ASB4: variants seen among roughly 807,000 people sequenced by gnomAD.
ASB4 encodes the protein ankyrin repeat and SOCS box protein 4.
Under a neutral mutation model 38.6 loss-of-function variants are expected in ASB4, and 35 were observed. That is an observed-to-expected ratio of 0.91 (90% CI 0.69 to 1.20). The LOEUF is 1.20. Among genes scored for constraint, ASB4 ranks in the 50% most tolerant of loss-of-function variants. The pLI is 0.00. For synonymous variants in ASB4, 195 were observed against 201.3 expected (o/e 0.97, Z 0.26); for missense variants, 557 against 527.2 (o/e 1.06, Z -0.55).
At chr7:95,535,143 G>T (rs1790873094) in intron 3 of ASB4, among the ~76,000 whole-genome samples, 1 of 152,164 alleles carries the variant, frequency 6.6e-6, no homozygotes, top group Non-Finnish European at 1.5e-5. Context: ...TGTTTTATCT[G>T]TGATCCCAAG....
At chr7:95,528,791 T>C (rs1452981374) in intron 3 of ASB4, 1 of 674,862 alleles carries the variant, frequency 1.5e-6, no homozygotes, top group African/African-American at 2.0e-5. Flanking sequence ...ATAAGCACAC[T>C]GTTATAAGCA....
At chr7:95,496,227 T>C (rs1790246525) in intron 2 of ASB4, 170 bp downstream of exon 2, 4 of 564,106 alleles carry the variant, frequency 7.1e-6, no homozygotes, top group African/African-American at 1.9e-5. Context: ...AATTCAATGA[T>C]GATCACATTA....
intron 2 of ASB4, among the ~76,000 whole-genome samples, chr7:95,512,387 T>A (rs553912613): frequency 2.0e-5 from 3 of 152,346 alleles, no homozygotes; most frequent in African/African-American, 7.2e-5. Flanking sequence ...TATGTAAGGC[T>A]CTTTTCCCCC....
chr7:95,524,804 C>T (rs556730020), intron 2 of ASB4, among the ~76,000 whole-genome samples: 316 of 152,280 alleles, frequency 2.1e-3, no homozygotes, highest in Non-Finnish European at 3.4e-3. Context: ...GACCCTCTAA[C>T]CAGCCTGTGC....
At chr7:95,473,019 G>A in the ASB4 span, among the ~76,000 whole-genome samples, 1 of 152,182 alleles carries the variant, frequency 6.6e-6, no homozygotes, top group Admixed American at 6.5e-5. Context: ...CTCACCAGTG[G>A]CAAGTTTCCA....
At chr7:95,515,175 TTCTTTCTTTC>T (rs1212068882) in intron 2 of ASB4, among the ~76,000 whole-genome samples, 2 of 66,476 alleles carry the variant, frequency 3.0e-5, no homozygotes, top group Admixed American at 1.3e-4. Flanking sequence ...TTCTCTTTCT[TTCTTTCTTTC>T]TTTCTTTCTT....
chr7:95,506,865 T>C (rs1030839698), intron 2 of ASB4, among the ~76,000 whole-genome samples: 1 of 152,060 alleles, frequency 6.6e-6, no homozygotes, highest in African/African-American at 2.4e-5. Flanking sequence ...TTCTATATGC[T>C]CTCTTTCTTG....
At chr7:95,512,227 G>T (rs572206638) in intron 2 of ASB4, among the ~76,000 whole-genome samples, 1 of 152,338 alleles carries the variant, frequency 6.6e-6, no homozygotes, top group African/African-American at 2.4e-5. Context: ...AAAAGTGAAG[G>T]TTCTGGAGTA....
chr7:95,511,171 C>T (rs1055563944), intron 2 of ASB4, among the ~76,000 whole-genome samples: 2 of 152,250 alleles, frequency 1.3e-5, no homozygotes, highest in Admixed American at 6.5e-5. Context: ...GAAGTTTTTA[C>T]TAATTAGAAA....
At chr7:95,481,607 A>C (rs188525972), upstream of ASB4, among the ~76,000 whole-genome samples, 3 of 152,316 alleles carry the variant, frequency 2.0e-5, no homozygotes, top group Admixed American at 2.0e-4. Flanking sequence ...ATTGTGGCTT[A>C]GTAGCATCAA....
chr7:95,516,409 G>A (rs1019595392), intron 2 of ASB4, among the ~76,000 whole-genome samples: 1 of 152,078 alleles, frequency 6.6e-6, no homozygotes, highest in Admixed American at 6.6e-5. Flanking sequence ...CTGCATCTTG[G>A]TTATTCTCCA....
At chr7:95,496,676 A>G (rs912238532) in intron 2 of ASB4, among the ~76,000 whole-genome samples, 32 of 152,072 alleles carry the variant, frequency 2.1e-4, no homozygotes, top group African/African-American at 7.5e-4. Flanking sequence ...GGGAGACCCC[A>G]TCTCTACAAA....
chr7:95,538,432 C>T lies in ASB4; in HGVS notation c.*673C>T, dbSNP rs548289636. Reference sequence around the variant, plus strand: ...ATGCAAAGATGAGTCCCATGTGACTCCTGCCTTCCAGGATCTCACCATTTA... The same window carrying T: ...ATGCAAAGATGAGTCCCATGTGACTTCTGCCTTCCAGGATCTCACCATTTA... On this transcript the variant is annotated 3_prime_UTR_variant, in exon 5 of 5. Coordinates refer to ENST00000325885, the MANE Select transcript of ASB4 (RefSeq NM_016116.3). 7.2e-5 allele frequency: 11 copies of T among 152,342 alleles called. No homozygotes were observed. The highest frequency in any genetic ancestry group is 2.4e-4 in the African/African-American group (10 of 41,568). 9.4% of individuals were successfully genotyped at this position (152,342 alleles called of 1,614,324 possible).
intron 2 of ASB4, among the ~76,000 whole-genome samples, chr7:95,509,030 T>G (rs1790446667): frequency 6.6e-6 from 1 of 152,190 alleles, no homozygotes; most frequent in African/African-American, 2.4e-5. Context: ...GTCACTGAAG[T>G]GAATGAGATT....
chr7:95,511,534 A>G (rs1790481185), intron 2 of ASB4, among the ~76,000 whole-genome samples: 1 of 151,918 alleles, frequency 6.6e-6, no homozygotes, highest in Non-Finnish European at 1.5e-5. Context: ...ATTAATAATA[A>G]CCCTGTAATC....
chr7:95,519,536 C>T (rs189887706), intron 2 of ASB4, among the ~76,000 whole-genome samples: 1 of 152,262 alleles, frequency 6.6e-6, no homozygotes. Flanking sequence ...TGTACTGAGG[C>T]AGGTGCAGGT....
At chr7:95,549,535 G>C in the ASB4 span, among the ~76,000 whole-genome samples, 1 of 151,876 alleles carries the variant, frequency 6.6e-6, no homozygotes, top group African/African-American at 2.4e-5. Flanking sequence ...CTGACTTCGT[G>C]ATCCGCCCGC....
At chr7:95,492,732 TGCTGTTAATCAGCAG>T (rs1790190026) in intron 1 of ASB4, among the ~76,000 whole-genome samples, 1 of 152,244 alleles carries the variant, frequency 6.6e-6, no homozygotes, top group South Asian at 2.1e-4. Context: ...GCCTAATTTT[TGCTGTTAATCAGCAG>T]GCAAAACACA....
intron 2 of ASB4, among the ~76,000 whole-genome samples, chr7:95,501,688 G>C (rs1330294068): frequency 1.3e-5 from 2 of 152,160 alleles, no homozygotes; most frequent in African/African-American, 4.8e-5. Flanking sequence ...CAAACTGACA[G>C]AGTGGCCAAC....
Sources: allele counts gnomAD v4.1 joint callset (sites outside exome capture counted in the v4.1 genomes callset), GRCh38; gene constraint gnomAD v4.1.1; transcripts MANE v1.5; gene names NCBI Gene and HGNC (gene_info 2026-07-23, HGNC 2026-07-21).